NRG1: variants seen among roughly 807,000 people sequenced by gnomAD.
The protein encoded by NRG1 is neuregulin 1.
In NRG1, 18 loss-of-function variants were observed where a neutral mutation model predicts 63.8. That is an observed-to-expected ratio of 0.28 (90% confidence interval 0.19 to 0.42). The LOEUF is 0.42. NRG1 is among the 10% of genes least tolerant of loss of function. The probability of loss-of-function intolerance (pLI) is 1.00; values close to 1 mark genes in which losing one functional copy is unlikely to be tolerated. For missense variants in NRG1, 762 were observed against 814.7 expected (o/e 0.94, Z 0.79); for synonymous variants, 302 against 301.3 (o/e 1.00, Z -0.02).
intron 1 of NRG1, among the ~76,000 whole-genome samples, chr8:31,995,444 T>C (rs1471605643): frequency 6.6e-6 from 1 of 151,950 alleles, no homozygotes; most frequent in East Asian, 1.9e-4. Flanking sequence ...AAAAGAAAGA[T>C]CACACTGAAA....
At chr8:32,684,455 C>T (rs1809533299) in intron 5 of NRG1, among the ~76,000 whole-genome samples, 1 of 152,058 alleles carries the variant, frequency 6.6e-6, no homozygotes, top group African/African-American at 2.4e-5. Context: ...CAGGGATTTA[C>T]CTGTTCGTTT....
At chr8:31,714,332 T>A (rs1812135229) in intron 1 of NRG1, among the ~76,000 whole-genome samples, 1 of 150,258 alleles carries the variant, frequency 6.7e-6, no homozygotes, top group African/African-American at 2.5e-5. Context: ...TTTATTAAGA[T>A]TTTTTTTGTA....
chr8:32,622,369 T>TCTCTC (rs144995144), intron 5 of NRG1, among the ~76,000 whole-genome samples: 3,861 of 152,122 alleles, frequency 0.025, 80 homozygotes, highest in Middle Eastern at 0.1. Context: ...CTCAGTTTCA[T>TCTCTC]CTCTCCTCTC....
intron 1 of NRG1, among the ~76,000 whole-genome samples, chr8:32,143,498 T>G (rs890748829): frequency 6.6e-6 from 1 of 152,184 alleles, no homozygotes; most frequent in Non-Finnish European, 1.5e-5. Context: ...CCCCAATGTT[T>G]CTACCAAGCT....
At chr8:32,140,686 C>T (rs762622088) in intron 1 of NRG1, among the ~76,000 whole-genome samples, 3 of 152,062 alleles carry the variant, frequency 2.0e-5, no homozygotes, top group Non-Finnish European at 2.9e-5. Context: ...TGGTCTTGAA[C>T]TCCTGGGCTC....
Position 32,207,235 on chromosome 8 carries a change from A to G in NRG1, c.38-388593A>G, listed in dbSNP as rs148978992. ...TTTTAAATGTCGCTTTCCAACAAAA[A>G]TGCAATACTATTATCTTTTTTTTTA... On this transcript the variant is annotated intron_variant, in intron 1 of 10. Coordinates refer to the NRG1 transcript ENST00000519301. Among the ~76,000 whole-genome samples the G allele has an allele frequency of 6.5e-3, 995 of 152,296 alleles. 7 individuals are homozygous for G. Among genetic ancestry groups the G allele is most frequent in the Middle Eastern group, 0.044 (13 of 294 alleles).
chr8:32,035,063 G>C (rs1006070780), intron 1 of NRG1, among the ~76,000 whole-genome samples: 1 of 151,996 alleles, frequency 6.6e-6, no homozygotes, highest in Non-Finnish European at 1.5e-5. Flanking sequence ...GATTTTTCTA[G>C]CTTTTCAATG....
At position 32,043,316 on chromosome 8, in the gene NRG1, G is replaced by A. The variant is rs533548730; in HGVS notation, c.37+403885G>A. Among the ~76,000 whole-genome samples the A allele has an allele frequency of 2.2e-4, 33 of 152,046 alleles. No individual in the cohort carries two copies. In the East Asian group the frequency reaches 6.0e-3, roughly 28 times the overall value. On this transcript the variant is annotated intron_variant, in intron 1 of 10. Transcript: ENST00000519301. ...TTTTAAATGCTGGAGGAAAAGAACT[G>A]TCAAGTAAAAATATTATATCCAACA... is the stretch of plus-strand genomic sequence containing the variant.
intron 1 of NRG1, among the ~76,000 whole-genome samples, chr8:32,156,163 G>C (rs994776218): frequency 6.6e-6 from 1 of 152,140 alleles, no homozygotes; most frequent in African/African-American, 2.4e-5. Flanking sequence ...CCCTCTTTGA[G>C]TTCCTCCTCC....
intron 1 of NRG1, among the ~76,000 whole-genome samples, chr8:32,471,176 A>G (rs1823801498): frequency 6.6e-6 from 1 of 152,304 alleles, no homozygotes; most frequent in South Asian, 2.1e-4. Flanking sequence ...TAATTCAGAC[A>G]CTAATTCTGT....
chr8:32,201,618 T>C (rs557525245), intron 1 of NRG1, among the ~76,000 whole-genome samples: 8 of 152,212 alleles, frequency 5.3e-5, no homozygotes, highest in Non-Finnish European at 8.8e-5. Context: ...AGTCATGTTG[T>C]GGTAAGAGTT....
At chr8:32,450,048 A>G (rs1820763749) in intron 1 of NRG1, among the ~76,000 whole-genome samples, 1 of 152,174 alleles carries the variant, frequency 6.6e-6, no homozygotes, top group East Asian at 1.9e-4. Context: ...TTTAGATATG[A>G]TAATATCTAT....
chr8:31,921,644 A>G (rs1479404328), intron 1 of NRG1, among the ~76,000 whole-genome samples: 1 of 152,192 alleles, frequency 6.6e-6, no homozygotes, highest in African/African-American at 2.4e-5. Flanking sequence ...CAGCAAAGAA[A>G]AAGAACCTCT....
chr8:32,364,098 T>TG, intron 1 of NRG1, among the ~76,000 whole-genome samples: 1 of 148,790 alleles, frequency 6.7e-6, no homozygotes, highest in Admixed American at 6.7e-5. Context: ...TTTTTTTTTT[T>TG]TGCTGGTGTT....
At chr8:31,918,114 G>C (rs1283161742) in intron 1 of NRG1, among the ~76,000 whole-genome samples, 2 of 152,022 alleles carry the variant, frequency 1.3e-5, no homozygotes, top group African/African-American at 4.8e-5. Flanking sequence ...TGAGACAGTG[G>C]GGTTTTCTAG....
At chr8:31,840,349 C>CTTTTTTTTTTTTTTTTTTTT (rs71992716) in intron 1 of NRG1, among the ~76,000 whole-genome samples, 1 of 116,866 alleles carries the variant, frequency 8.6e-6, no homozygotes. Context: ...TATTCTCTGT[C>CTTTTTTTTTTTTTTTTTTTT]TTTTTTTTTT....
intron 1 of NRG1, among the ~76,000 whole-genome samples, chr8:32,551,414 A>G (rs78089547): frequency 0.013 from 2,009 of 152,266 alleles, 42 homozygotes; most frequent in African/African-American, 0.045. Flanking sequence ...CTGTTTTAAC[A>G]TTGCCTCATG....
At chr8:32,653,411 T>A (rs1431139743) in intron 5 of NRG1, among the ~76,000 whole-genome samples, 3 of 152,064 alleles carry the variant, frequency 2.0e-5, no homozygotes, top group African/African-American at 7.3e-5. Context: ...TTTCTTAATA[T>A]GTTTTCTTCT....
intron 1 of NRG1, among the ~76,000 whole-genome samples, chr8:32,167,502 T>A (rs1839524951): frequency 6.6e-6 from 1 of 152,208 alleles, no homozygotes. Context: ...AGAAAAGTAA[T>A]CATTTCTACA....
Sources: allele counts gnomAD v4.1 joint callset (sites outside exome capture counted in the v4.1 genomes callset), GRCh38; gene constraint gnomAD v4.1.1; transcripts MANE v1.5; gene names NCBI Gene and HGNC (gene_info 2026-07-23, HGNC 2026-07-21).